Variants in FAM204A observed in about 807,000 individuals in gnomAD.
FAM204A encodes family with sequence similarity 204 member A.
FAM204A carries 16 observed loss-of-function variants against 35.4 expected under a neutral mutation model. That is an observed-to-expected ratio of 0.45 (90% confidence interval 0.31 to 0.69). FAM204A has a LOEUF of 0.69. Ranked by LOEUF, FAM204A falls within the 30% of genes least tolerant of loss-of-function variation. The pLI is 0.07. For missense variants in FAM204A, 240 were observed against 265.7 expected (o/e 0.90, Z 0.67); for synonymous variants, 76 against 86.9 (o/e 0.88, Z 0.70).
At chr10:118,326,320 T>A in intron 6 of FAM204A, 77 bp from the exon 7 acceptor site, 1 of 1,194,262 alleles carries the variant, frequency 8.4e-7, no homozygotes, top group Non-Finnish European at 1.2e-6. Context: ...GTCACAGAAT[T>A]ATACTGAATG....
intron 6 of FAM204A, among the ~76,000 whole-genome samples, chr10:118,327,962 C>G (rs1294000916): frequency 6.6e-6 from 1 of 152,138 alleles, no homozygotes; most frequent in Non-Finnish European, 1.5e-5. Flanking sequence ...GACCCTGTCT[C>G]TTAAAAACAA....
rs1207048697 is a variant in FAM204A at position 118,305,998 on chromosome 10, T to C, written c.*4859A>G. The C allele has an allele frequency of 2.0e-5, 3 of 152,258 alleles. No homozygotes were observed. The highest frequency in any genetic ancestry group is 1.9e-4 in the East Asian group (1 of 5,204). 9.4% of individuals were successfully genotyped at this position (152,258 alleles called of 1,614,324 possible). ...TTCAGCCTGAAGATGAAGTGATATA[T>C]TGACTTCTTGATCAAATGCCAGAAC... On this transcript the variant is annotated 3_prime_UTR_variant, in exon 9 of 9. Transcript: ENST00000369183.
intron 2 of FAM204A, chr10:118,337,319 G>T: frequency 1.4e-6 from 1 of 733,808 alleles, no homozygotes; most frequent in Non-Finnish European, 1.7e-6. Flanking sequence ...GAAGCCGGTT[G>T]TACTGCTCAT....
intron 6 of FAM204A, among the ~76,000 whole-genome samples, chr10:118,327,275 C>A (rs951209321): frequency 1.3e-5 from 2 of 152,098 alleles, no homozygotes; most frequent in Admixed American, 6.5e-5. Context: ...GAATTTTGTT[C>A]CTGTGTAGCC....
chr10:118,335,010 G>T, intron 6 of FAM204A, 104 bp downstream of exon 6: 1 of 756,178 alleles, frequency 1.3e-6, no homozygotes, highest in Non-Finnish European at 2.2e-6. Flanking sequence ...TATGCAGTAG[G>T]CATCTTTTTA....
intron 6 of FAM204A, among the ~76,000 whole-genome samples, chr10:118,329,641 T>G (rs1356394253): frequency 6.6e-6 from 1 of 152,180 alleles, no homozygotes; most frequent in African/African-American, 2.4e-5. Context: ...CTTCAGCACC[T>G]AACTTGTCTG....
intron 3 of FAM204A, 35 bp downstream of exon 3, chr10:118,336,147 C>G (rs1482021910): frequency 2.5e-6 from 4 of 1,596,910 alleles, no homozygotes; most frequent in African/African-American, 1.3e-5. Flanking sequence ...TGCACACACA[C>G]AGGCTGTAGC....
At chr10:118,321,724 CAA>C (rs200200755) in intron 7 of FAM204A, among the ~76,000 whole-genome samples, 4 of 87,286 alleles carry the variant, frequency 4.6e-5, no homozygotes, top group Admixed American at 1.5e-4. Context: ...TATGACAAAG[CAA>C]AAAAAAAAAA....
At position 118,323,131 on chromosome 10, in the gene FAM204A, G is replaced by A. The variant is rs527688957; in HGVS notation, c.543+3023C>T. ...AGAGATCACAAAATACGCAACTCTG[G>A]GATCTTCCAAAAGGAAGACTGGACA... is the stretch of plus-strand genomic sequence containing the variant. On this transcript the variant is annotated intron_variant, in intron 7 of 8. Coordinates refer to ENST00000369183, the MANE Select transcript of FAM204A (RefSeq NM_022063.3). Among the ~76,000 whole-genome samples the A allele has an allele frequency of 2.0e-5, 3 of 152,112 alleles. No individual in the cohort carries two copies. The East Asian group carries it at 5.8e-4, about 29-fold the overall frequency.
At chr10:118,338,508 G>C (rs1284277901) in intron 2 of FAM204A, among the ~76,000 whole-genome samples, 1 of 152,076 alleles carries the variant, frequency 6.6e-6, no homozygotes, top group Non-Finnish European at 1.5e-5. Flanking sequence ...GTCTATGTTA[G>C]AAATAACTCT....
Position 118,342,272 on chromosome 10 carries a change from G to C in FAM204A, c.-212C>G, listed in dbSNP as rs748607185. On this transcript the variant is annotated splice_region_variant and 5_prime_UTR_variant, in exon 1 of 9. Transcript: ENST00000369183. ...AACCCTCCATAAGCCGTACTCACCT[G>C]TCAGGAAGTGGTCGCCCAGCAGCCA... 5.9e-5 allele frequency: 9 copies of C among 152,390 alleles called. No individual in the cohort carries two copies. Among genetic ancestry groups the C allele is most frequent in the Non-Finnish European group, 8.8e-5 (6 of 68,230 alleles). The allele number at this position is 152,390 out of a possible 1,614,324, so 9.4% of individuals were successfully genotyped here. A position where few individuals can be genotyped will look rare whatever the true frequency, so the allele number is the denominator to read the frequency against.
chr10:118,325,820 G>A (rs1338898454), intron 7 of FAM204A, among the ~76,000 whole-genome samples: 1 of 152,124 alleles, frequency 6.6e-6, no homozygotes, highest in East Asian at 1.9e-4. Flanking sequence ...GTTGCCCTCA[G>A]AGTTCAAATG....
Position 118,298,398 on chromosome 10 carries a change from A to C in FAM204A, c.*12459T>G, listed in dbSNP as rs890846609. 1 of 152,206 alleles carries C rather than the reference A, an allele frequency of 6.6e-6. No individual in the cohort carries two copies. The highest frequency in any genetic ancestry group is 2.1e-4 in the South Asian group (1 of 4,834). The allele number at this position is 152,206 out of a possible 1,614,324, so 9.4% of individuals were successfully genotyped here. On this transcript the variant is annotated 3_prime_UTR_variant, in exon 9 of 9. Coordinates refer to ENST00000369183, the MANE Select transcript of FAM204A (RefSeq NM_022063.3). ...TAGGTATGTTTAAAATCCGAATGCG[A>C]TGTGTATCTGAATAAAGACGCTTAT... is the stretch of plus-strand genomic sequence containing the variant.
intron 3 of FAM204A, 32 bp downstream of exon 3, chr10:118,336,150 G>C: frequency 1.3e-6 from 2 of 1,599,972 alleles, no homozygotes; most frequent in Non-Finnish European, 1.7e-6. Flanking sequence ...ACACACACAG[G>C]CTGTAGCAAG....
In FAM204A at chr10:118,299,391, G is replaced by GTTTTGTTTTT. The variant is rs1845783104; in HGVS notation, c.*11465_*11466insAAAAACAAAA. ...ACCTCCTCCTTTCTGCTTCCAGAAGGTTTTTTTTTTTTTTTTTTTTTTGAG... is the reference window on the plus strand; with the variant it reads ...ACCTCCTCCTTTCTGCTTCCAGAAGGTTTTGTTTTTTTTTTTTTTTTTTTTTTTTTTTGAG... On this transcript the variant is annotated 3_prime_UTR_variant, in exon 9 of 9. Transcript: ENST00000369183. 3 of 90,294 alleles carry GTTTTGTTTTT rather than the reference G, an allele frequency of 3.3e-5. No individual in the cohort carries two copies. Among genetic ancestry groups the GTTTTGTTTTT allele is most frequent in the African/African-American group, 1.6e-4 (3 of 19,224 alleles). 5.6% of individuals were successfully genotyped at this position (90,294 alleles called of 1,614,324 possible).
intron 2 of FAM204A, among the ~76,000 whole-genome samples, chr10:118,340,009 G>A (rs1846449517): frequency 1.3e-5 from 2 of 152,186 alleles, no homozygotes; most frequent in African/African-American, 4.8e-5. Flanking sequence ...GTACAGTTCA[G>A]TGGTTCCTAA....
At position 118,336,283 on chromosome 10, in the gene FAM204A, C is replaced by T; in HGVS notation, c.133G>A (p.Glu45Lys). The change falls in exon 3 of 9, where the codon GAA (glutamate) becomes AAA (lysine). Residue 45 changes from glutamate to lysine, a missense_variant. Coordinates refer to ENST00000369183, the MANE Select transcript of FAM204A (RefSeq NM_022063.3). ...TCATCTGTTGAGAAATCTATGATTT[C>T]TGTTTTTCTGATGCTCTCATCCTCT... ...DKEDESIRKTEIIDFSTDEPK... is the reference protein window; with the variant it reads ...DKEDESIRKTKIIDFSTDEPK... 1 of 1,613,976 alleles carries T rather than the reference C, an allele frequency of 6.2e-7. No individual in the cohort carries two copies. Among genetic ancestry groups the T allele is most frequent in the Non-Finnish European group, 8.5e-7 (1 of 1,179,856 alleles).
intron 7 of FAM204A, among the ~76,000 whole-genome samples, chr10:118,322,948 A>G (rs1846140958): frequency 6.6e-6 from 1 of 152,140 alleles, no homozygotes; most frequent in African/African-American, 2.4e-5. Flanking sequence ...TAAGCAGAAA[A>G]AGATAAAAAG....
At chr10:118,329,053 C>T (rs1177603325) in intron 6 of FAM204A, among the ~76,000 whole-genome samples, 1 of 152,184 alleles carries the variant, frequency 6.6e-6, no homozygotes, top group Non-Finnish European at 1.5e-5. Flanking sequence ...AAGGCAAGGT[C>T]TTCAATTTCA....
Sources: gnomAD v4.1 joint callset for allele counts (sites outside exome capture counted in the v4.1 genomes callset) on GRCh38, gnomAD v4.1.1 for gene constraint, MANE v1.5 for transcripts, NCBI Gene and HGNC (gene_info 2026-07-23, HGNC 2026-07-21) for gene names.